LYRM4: variants seen among roughly 807,000 people sequenced by gnomAD.
LYRM4 encodes the protein LYR motif containing 4, also known as LYR motif-containing protein 4.
LYRM4 carries 9 observed loss-of-function variants against 11.7 expected under a neutral mutation model. The ratio of observed to expected loss-of-function variants is 0.77; its 90% CI spans 0.46 to 1.34. The LOEUF (loss-of-function observed/expected upper bound fraction) is 1.34. LYRM4 is among the 40% of genes most tolerant of loss of function. The pLI is 0.00. For missense variants in LYRM4, 133 were observed against 112.5 expected, an observed-to-expected ratio of 1.18 and a Z score of -0.82; for synonymous variants, 42 against 40.4, an observed-to-expected ratio of 1.04 and a Z score of -0.15.
At chr6:5,069,224 T>C in the LYRM4 span, among the ~76,000 whole-genome samples, 458 of 152,244 alleles carry the variant, frequency 3.0e-3, 3 homozygotes, top group African/African-American at 9.2e-3. Context: ...TTCTTTTCAC[T>C]CTTCAAAGTT....
At chr6:5,144,886 AG>A (rs1757630105) in intron 2 of LYRM4, among the ~76,000 whole-genome samples, 1 of 152,138 alleles carries the variant, frequency 6.6e-6, no homozygotes, top group Non-Finnish European at 1.5e-5. Flanking sequence ...GGTCTCCTTT[AG>A]GTCTGTGCTG....
At chr6:5,116,913 T>C (rs1348808939) in intron 2 of LYRM4, among the ~76,000 whole-genome samples, 1 of 152,154 alleles carries the variant, frequency 6.6e-6, no homozygotes. Flanking sequence ...TCTGAAGCAA[T>C]GCACAGCCAT....
the LYRM4 span, chr6:5,032,187 G>A: frequency 3.3e-5 from 5 of 152,114 alleles, no homozygotes; most frequent in African/African-American, 7.2e-5. Flanking sequence ...AACTATGAGC[G>A]TCTTGCAAGG....
intron 1 of LYRM4, among the ~76,000 whole-genome samples, chr6:5,224,441 C>T (rs1467234350): frequency 6.6e-6 from 1 of 152,186 alleles, no homozygotes; most frequent in Non-Finnish European, 1.5e-5. Flanking sequence ...CGGACTGGTA[C>T]TTCCTGTGAA....
At chr6:5,166,534 C>T (rs1007738608) in intron 2 of LYRM4, among the ~76,000 whole-genome samples, 6 of 152,168 alleles carry the variant, frequency 3.9e-5, no homozygotes, top group Non-Finnish European at 8.8e-5. Flanking sequence ...TCCTACTTGT[C>T]CTATTTGTTC....
chr6:5,170,002 G>C (rs895187580), intron 2 of LYRM4, among the ~76,000 whole-genome samples: 3 of 152,198 alleles, frequency 2.0e-5, no homozygotes, highest in Admixed American at 6.5e-5. Context: ...ACAACAACTG[G>C]GCAGGCTGAC....
chr6:5,091,740 T>C, the LYRM4 span, among the ~76,000 whole-genome samples: 4 of 152,216 alleles, frequency 2.6e-5, no homozygotes, highest in East Asian at 7.7e-4. Context: ...ATCAATGGAG[T>C]AGTAAAAGGC....
intron 2 of LYRM4, among the ~76,000 whole-genome samples, chr6:5,148,883 G>A (rs1482912805): frequency 6.6e-6 from 1 of 152,100 alleles, no homozygotes; most frequent in Admixed American, 6.5e-5. Context: ...AAAATTAAAC[G>A]TGGTTCTGAA....
chr6:5,149,232 C>A (rs536164974), intron 2 of LYRM4, among the ~76,000 whole-genome samples: 1 of 152,144 alleles, frequency 6.6e-6, no homozygotes, highest in Non-Finnish European at 1.5e-5. Context: ...AAAATGAGGG[C>A]CTGAAAGAAG....
chr6:5,032,473 A>T, the LYRM4 span: 1 of 152,360 alleles, frequency 6.6e-6, no homozygotes, highest in East Asian at 1.9e-4. Context: ...TATTGTTTAC[A>T]GCAAAATTTG....
chr6:5,215,178 C>T (rs774708308), intron 2 of LYRM4, among the ~76,000 whole-genome samples: 9 of 152,070 alleles, frequency 5.9e-5, no homozygotes, highest in South Asian at 2.1e-4. Context: ...GATAATTTTA[C>T]GCTAAAGATA....
At chr6:5,227,486 A>T (rs56358324) in intron 1 of LYRM4, among the ~76,000 whole-genome samples, 1 of 152,216 alleles carries the variant, frequency 6.6e-6, no homozygotes, top group African/African-American at 2.4e-5. Flanking sequence ...CCCCACCAGC[A>T]TAGGAACACC....
chr6:5,256,158 G>A (rs181061527), intron 1 of LYRM4, among the ~76,000 whole-genome samples: 1 of 152,090 alleles, frequency 6.6e-6, no homozygotes, highest in Non-Finnish European at 1.5e-5. Flanking sequence ...AGAATTGAAG[G>A]AGTTGGCTGA....
At chr6:5,099,020 C>G (rs1762420885), downstream of LYRM4, among the ~76,000 whole-genome samples, 1 of 152,124 alleles carries the variant, frequency 6.6e-6, no homozygotes, top group Non-Finnish European at 1.5e-5. The surrounding 1 kb of genome is among the most constrained non-coding windows in gnomAD (Gnocchi z 4.3). Context: ...TGGTGGGTGA[C>G]AGCCATTGTC....
chr6:5,164,823 C>G (rs186527473), intron 2 of LYRM4, among the ~76,000 whole-genome samples: 128 of 152,136 alleles, frequency 8.4e-4, no homozygotes, highest in African/African-American at 2.9e-3. Context: ...TAAAAATTAG[C>G]TGGGTGTGGT....
At chr6:5,155,585 A>G (rs1236491982) in intron 2 of LYRM4, among the ~76,000 whole-genome samples, 5 of 152,180 alleles carry the variant, frequency 3.3e-5, no homozygotes, top group Non-Finnish European at 5.9e-5. Context: ...CAACATTTAT[A>G]TATCTTTTAA....
the LYRM4 span, among the ~76,000 whole-genome samples, chr6:5,060,503 T>TG: frequency 3.4e-5 from 2 of 58,658 alleles, no homozygotes; most frequent in Non-Finnish European, 8.0e-5. Context: ...TCGATTTTTG[T>TG]ATTTTTTTTT....
At chr6:5,153,463 G>A (rs1217417241) in intron 2 of LYRM4, among the ~76,000 whole-genome samples, 5 of 152,216 alleles carry the variant, frequency 3.3e-5, no homozygotes, top group Non-Finnish European at 7.3e-5. Flanking sequence ...GCCCAGCTGG[G>A]CAGAGAGAAG....
chr6:5,061,252 A>C, the LYRM4 span, among the ~76,000 whole-genome samples: 1 of 152,086 alleles, frequency 6.6e-6, no homozygotes, highest in Middle Eastern at 3.2e-3. Flanking sequence ...TGTCTCTTTT[A>C]ACCCAAACCT....
Sources: allele counts gnomAD v4.1 joint callset (sites outside exome capture counted in the v4.1 genomes callset), GRCh38; gene constraint gnomAD v4.1.1; non-coding constraint Gnocchi (gnomAD v3.1); transcripts MANE v1.5; gene names NCBI Gene and HGNC (gene_info 2026-07-23, HGNC 2026-07-21).